The following PRKG1 variants were observed in gnomAD, a reference collection of about 807,000 sequenced individuals.
PRKG1 encodes the protein protein kinase cGMP-dependent 1.
PRKG1 carries 35 observed loss-of-function variants against 88.1 expected under a neutral mutation model. The observed-to-expected ratio is 0.40, with a 90% CI of 0.30 to 0.53. PRKG1 has a LOEUF of 0.53. PRKG1 is among the 20% of genes least tolerant of loss of function. PRKG1 has a pLI of 0.59. For synonymous variants in PRKG1, 303 were observed against 292.5 expected (o/e 1.04, Z -0.37); for missense variants, 540 against 839.8 (o/e 0.64, Z 4.41).
At chr10:51,466,112 G>A (rs1839898752) in intron 2 of PRKG1, among the ~76,000 whole-genome samples, 1 of 152,096 alleles carries the variant, frequency 6.6e-6, no homozygotes, top group Admixed American at 6.5e-5. Context: ...TAACCTCTGT[G>A]TGGTATTCTG....
At chr10:51,501,107 G>A (rs1841012409) in intron 3 of PRKG1, among the ~76,000 whole-genome samples, 2 of 152,092 alleles carry the variant, frequency 1.3e-5, no homozygotes, top group Admixed American at 1.3e-4. Context: ...CAGTTTTCCT[G>A]TGATTCTGAA....
chr10:51,633,026 T>G (rs1329785998), intron 3 of PRKG1, among the ~76,000 whole-genome samples: 1 of 152,188 alleles, frequency 6.6e-6, no homozygotes, highest in Admixed American at 6.5e-5. Context: ...TTACATTTAG[T>G]TTTTTATCAA....
At chr10:51,323,993 A>G (rs75761264) in intron 2 of PRKG1, among the ~76,000 whole-genome samples, 4,000 of 152,260 alleles carry the variant, frequency 0.026, 72 homozygotes, top group Non-Finnish European at 0.042. Flanking sequence ...AGTAGTACAT[A>G]TCTTTGGGAT....
intron 2 of PRKG1, among the ~76,000 whole-genome samples, chr10:51,294,090 G>T (rs995611438): frequency 6.6e-6 from 1 of 151,912 alleles, no homozygotes; most frequent in Non-Finnish European, 1.5e-5. Context: ...TTATTGAGTT[G>T]TATGAGTTCT....
intron 1 of PRKG1, among the ~76,000 whole-genome samples, chr10:51,035,311 A>T (rs1216003792): frequency 6.6e-6 from 1 of 152,242 alleles, no homozygotes; most frequent in Non-Finnish European, 1.5e-5. Flanking sequence ...TGTAACTAAC[A>T]AAATTAAGTT....
intron 2 of PRKG1, among the ~76,000 whole-genome samples, chr10:51,378,603 G>T (rs540692586): frequency 6.6e-6 from 1 of 152,168 alleles, no homozygotes. Context: ...GGGGCCTAAT[G>T]AAAACATTAT....
intron 3 of PRKG1, among the ~76,000 whole-genome samples, chr10:51,716,283 G>A (rs1006603098): frequency 1.6e-4 from 24 of 152,220 alleles, no homozygotes; most frequent in African/African-American, 2.4e-4. Context: ...TTTACAGTCC[G>A]TCACCCCTGT....
intron 2 of PRKG1, among the ~76,000 whole-genome samples, chr10:51,356,091 G>A (rs2132576290): frequency 6.6e-6 from 1 of 152,082 alleles, no homozygotes; most frequent in South Asian, 2.1e-4. Flanking sequence ...TTAGGCAAAA[G>A]CTGCATGGTG....
chr10:51,424,903 C>T (rs964172946), intron 2 of PRKG1, among the ~76,000 whole-genome samples: 2 of 151,986 alleles, frequency 1.3e-5, no homozygotes, highest in Non-Finnish European at 2.9e-5. Flanking sequence ...TCTGTATTAC[C>T]ATAAGGAATG....
chr10:51,315,952 T>C (rs1841306123), intron 2 of PRKG1, among the ~76,000 whole-genome samples: 1 of 152,202 alleles, frequency 6.6e-6, no homozygotes, highest in Non-Finnish European at 1.5e-5. Context: ...TGATATTTGT[T>C]CTTTCAAAAT....
chr10:51,660,448 A>G (rs1256965255), intron 3 of PRKG1, among the ~76,000 whole-genome samples: 1 of 151,984 alleles, frequency 6.6e-6, no homozygotes, highest in Non-Finnish European at 1.5e-5. Context: ...TTGGGCAGAA[A>G]AAAAAAAAGA....
chr10:51,753,039 T>TA (rs1218641300), intron 3 of PRKG1, among the ~76,000 whole-genome samples: 2 of 152,126 alleles, frequency 1.3e-5, no homozygotes, highest in Admixed American at 1.3e-4. Context: ...GTTACTTGAG[T>TA]AAAATAAACT....
intron 3 of PRKG1, among the ~76,000 whole-genome samples, chr10:51,642,816 G>T (rs1196010888): frequency 6.6e-6 from 1 of 152,172 alleles, no homozygotes; most frequent in Non-Finnish European, 1.5e-5. Context: ...TGAACTTATT[G>T]ATTGAACAAA....
chr10:52,268,236 G>A (rs145377935), intron 10 of PRKG1, among the ~76,000 whole-genome samples: 1 of 152,168 alleles, frequency 6.6e-6, no homozygotes, highest in Non-Finnish European at 1.5e-5. Context: ...GAAAGCCTCA[G>A]TAGGTTAGCA....
Position 52,293,949 on chromosome 10 carries a change from G to A in PRKG1, c.*49G>A. ...CCTTGCTGAAGACAGCTTTTTCTGA[G>A]ACACAGCTGCCAGCAAACCTGAGGG... On this transcript the variant is annotated 3_prime_UTR_variant, in exon 18 of 18. Coordinates refer to ENST00000373980, the MANE Select transcript of PRKG1 (RefSeq NM_006258.4). 1 of 1,485,632 alleles carries A rather than the reference G, an allele frequency of 6.7e-7. No homozygotes were observed. Among genetic ancestry groups the A allele is most frequent in the Non-Finnish European group, 9.4e-7 (1 of 1,068,892 alleles). The allele number at this position is 1,485,632 out of a possible 1,614,324, so 92.0% of individuals were successfully genotyped here.
At chr10:51,742,396 G>T (rs916003301) in intron 3 of PRKG1, among the ~76,000 whole-genome samples, 9 of 152,160 alleles carry the variant, frequency 5.9e-5, no homozygotes, top group Non-Finnish European at 1.2e-4. Context: ...CCAACTATTT[G>T]GTTTGCCGCT....
chr10:52,149,249 C>G (rs1411023436), intron 8 of PRKG1, among the ~76,000 whole-genome samples: 2 of 151,580 alleles, frequency 1.3e-5, no homozygotes, highest in Non-Finnish European at 2.9e-5. Flanking sequence ...TCATTTGTAG[C>G]TTTTGAAAGG....
chr10:52,112,314 T>G (rs1456027626), intron 7 of PRKG1, among the ~76,000 whole-genome samples: 1 of 152,200 alleles, frequency 6.6e-6, no homozygotes, highest in Non-Finnish European at 1.5e-5. Context: ...GATTCTTACA[T>G]AAACTTCTGG....
At position 51,713,680 on chromosome 10, in the gene PRKG1, T is replaced by C. The variant is rs189739773; in HGVS notation, c.593-90905T>C. ...ATGTTCAAAAGGCATTATTTTTAAA[T>C]AGAGTATTAAGATGGATTGAACATT... On this transcript the variant is annotated intron_variant, in intron 3 of 17. Transcript: ENST00000373980. Among the ~76,000 whole-genome samples the C allele has an allele frequency of 2.7e-3, 412 of 152,328 alleles. 2 individuals carry two copies. Among genetic ancestry groups the C allele is most frequent in the African/African-American group, 9.2e-3 (381 of 41,574 alleles).
Sources: allele counts gnomAD v4.1 joint callset (sites outside exome capture counted in the v4.1 genomes callset), GRCh38; gene constraint gnomAD v4.1.1; transcripts MANE v1.5; gene names NCBI Gene and HGNC (gene_info 2026-07-23, HGNC 2026-07-21).